The following TBXAS1 variants were observed in gnomAD, a reference collection of about 807,000 sequenced individuals.
TBXAS1 encodes thromboxane-A synthase.
In TBXAS1, 48 loss-of-function variants were observed where a neutral mutation model predicts 60.7. That is an observed-to-expected ratio of 0.79 (90% CI 0.63 to 1.01). The LOEUF (loss-of-function observed/expected upper bound fraction) is 1.01. Ranked by LOEUF, TBXAS1 falls within the 50% of genes least tolerant of loss-of-function variation. The pLI, the probability that TBXAS1 is intolerant of heterozygous loss-of-function variation, is 0.00. For synonymous variants in TBXAS1, 287 were observed against 269.7 expected, an observed-to-expected ratio of 1.06 and a Z score of -0.63; for missense variants, 685 against 686.3, an observed-to-expected ratio of 1.00 and a Z score of 0.02.
chr7:139,995,584 A>G (rs1813230544), intron 9 of TBXAS1, among the ~76,000 whole-genome samples: 1 of 152,084 alleles, frequency 6.6e-6, no homozygotes, highest in Non-Finnish European at 1.5e-5. Context: ...ACCTATGAAT[A>G]TCCCACAGCG....
At chr7:139,838,287 G>A (rs1799200131) in intron 1 of TBXAS1, among the ~76,000 whole-genome samples, 1 of 152,192 alleles carries the variant, frequency 6.6e-6, no homozygotes, top group Admixed American at 6.5e-5. Flanking sequence ...AGGCACTGAG[G>A]AGCCCCCTCT....
At chr7:139,990,008 C>T (rs530380483) in intron 9 of TBXAS1, among the ~76,000 whole-genome samples, 8 of 152,332 alleles carry the variant, frequency 5.3e-5, no homozygotes, top group South Asian at 2.1e-4. Context: ...CAGGCCTGCC[C>T]GCCGGCCTTA....
intron 4 of TBXAS1, among the ~76,000 whole-genome samples, chr7:139,813,274 A>G (rs1798067321): frequency 6.6e-6 from 1 of 152,078 alleles, no homozygotes; most frequent in Admixed American, 6.6e-5. Flanking sequence ...GAGACCTTCC[A>G]GTACTGGGTC....
intron 4 of TBXAS1, among the ~76,000 whole-genome samples, chr7:139,815,665 G>T (rs1388462499): frequency 6.6e-6 from 1 of 152,204 alleles, no homozygotes; most frequent in East Asian, 1.9e-4. Flanking sequence ...GAAACTTGAA[G>T]AATCCTATTG....
intron 4 of TBXAS1, among the ~76,000 whole-genome samples, chr7:139,814,150 A>G (rs1454516577): frequency 1.3e-5 from 2 of 152,170 alleles, no homozygotes; most frequent in Non-Finnish European, 2.9e-5. Context: ...CCACATTGCT[A>G]TGTAGTGTTG....
chr7:139,820,356 G>T (rs1169013202), intron 4 of TBXAS1, among the ~76,000 whole-genome samples: 1 of 152,160 alleles, frequency 6.6e-6, no homozygotes, highest in Non-Finnish European at 1.5e-5. Context: ...GAAATGAGAA[G>T]GAGATAGGAT....
At chr7:139,831,474 G>A (rs1354831239) in intron 1 of TBXAS1, among the ~76,000 whole-genome samples, 1 of 152,246 alleles carries the variant, frequency 6.6e-6, no homozygotes, top group Non-Finnish European at 1.5e-5. Context: ...TTCCTCCAGT[G>A]AGAGGATTCA....
intron 9 of TBXAS1, among the ~76,000 whole-genome samples, chr7:139,980,074 G>C (rs1811857805): frequency 6.6e-6 from 1 of 151,834 alleles, no homozygotes; most frequent in Admixed American, 6.6e-5. Flanking sequence ...TTTTCTCCCT[G>C]CCCTCAAAAT....
chr7:139,863,399 G>A (rs62490072), intron 1 of TBXAS1, among the ~76,000 whole-genome samples: 5,422 of 152,048 alleles, frequency 0.036, 143 homozygotes, highest in Non-Finnish European at 0.058. Context: ...GATTATAAGC[G>A]GTTCCTTAGG....
rs185608699 is a variant in TBXAS1, at chr7:139,911,879, A to T, written c.333+558A>T. On this transcript the variant is annotated intron_variant, in intron 4 of 12. Coordinates refer to ENST00000448866, the MANE Select transcript of TBXAS1 (RefSeq NM_001061.7). Reference sequence around the variant, plus strand: ...ATATCCCTTTGTTTTTGGAAAGTAAATGTCCTACTATTTATCTTTGATGAG... The same window carrying T: ...ATATCCCTTTGTTTTTGGAAAGTAATTGTCCTACTATTTATCTTTGATGAG... Among the ~76,000 whole-genome samples, 19 of 152,312 alleles carry T rather than the reference A, an allele frequency of 1.2e-4. No individual in the cohort carries two copies. The East Asian group carries it at 1.9e-3, about 15-fold the overall frequency.
chr7:139,853,060 C>T (rs767685251), intron 1 of TBXAS1, among the ~76,000 whole-genome samples: 91 of 152,056 alleles, frequency 6.0e-4, no homozygotes, highest in Non-Finnish European at 1.2e-3. Flanking sequence ...CCCAGCTGAC[C>T]CCTCTGGGCT....
chr7:139,982,042 T>G (rs1200012185), intron 9 of TBXAS1, among the ~76,000 whole-genome samples: 1 of 152,232 alleles, frequency 6.6e-6, no homozygotes, highest in Non-Finnish European at 1.5e-5. Context: ...TTCTGAAAAT[T>G]TCCCTCTTGT....
intron 3 of TBXAS1, among the ~76,000 whole-genome samples, chr7:139,909,648 A>C (rs1468019539): frequency 2.6e-5 from 4 of 152,164 alleles, no homozygotes; most frequent in Non-Finnish European, 5.9e-5. Flanking sequence ...TGTTTTCCAT[A>C]GTTAATGAGA....
At chr7:139,806,772 A>C (rs924247057) in intron 4 of TBXAS1, among the ~76,000 whole-genome samples, 1 of 151,870 alleles carries the variant, frequency 6.6e-6, no homozygotes, top group African/African-American at 2.4e-5. Flanking sequence ...ATCTGTCTGC[A>C]CCTTGATTCC....
intron 9 of TBXAS1, among the ~76,000 whole-genome samples, chr7:139,984,746 A>G (rs1812269507): frequency 7.3e-6 from 1 of 136,498 alleles, no homozygotes; most frequent in Non-Finnish European, 1.6e-5. Flanking sequence ...AAGAAGAAAA[A>G]GAAAAGAAAG....
At chr7:139,987,736 G>T (rs1812604156) in intron 9 of TBXAS1, among the ~76,000 whole-genome samples, 1 of 152,198 alleles carries the variant, frequency 6.6e-6, no homozygotes, top group Non-Finnish European at 1.5e-5. Flanking sequence ...GCAGGGATAT[G>T]AAGAGCTTTC....
chr7:139,804,630 C>G (rs993767176), intron 4 of TBXAS1, among the ~76,000 whole-genome samples: 1 of 152,142 alleles, frequency 6.6e-6, no homozygotes, highest in Non-Finnish European at 1.5e-5. Flanking sequence ...GGGAGGGACA[C>G]AGTGGGAGGT....
chr7:139,800,474 C>A (rs1797691519), intron 4 of TBXAS1, among the ~76,000 whole-genome samples: 1 of 152,148 alleles, frequency 6.6e-6, no homozygotes, highest in Non-Finnish European at 1.5e-5. Context: ...AGAAGCCCTT[C>A]TGGACTTCCT....
chr7:140,009,637 A>ACCCGC (rs1413109911), intron 10 of TBXAS1, among the ~76,000 whole-genome samples: 1 of 31,596 alleles, frequency 3.2e-5, no homozygotes, highest in East Asian at 1.1e-3. Flanking sequence ...CCTGCCCCAC[A>ACCCGC]CCCACCCCAC....
Sources: gnomAD v4.1 joint callset for allele counts (sites outside exome capture counted in the v4.1 genomes callset) on GRCh38, gnomAD v4.1.1 for gene constraint, MANE v1.5 for transcripts, NCBI Gene and HGNC (gene_info 2026-07-23, HGNC 2026-07-21) for gene names.